TMEM9: variants seen among roughly 807,000 people sequenced by gnomAD.
TMEM9 encodes the protein transmembrane protein 9, also known as proton-transporting V-type ATPase complex assembly regulator TMEM9.
Under a neutral mutation model 22.8 loss-of-function variants are expected in TMEM9, and 13 were observed. The ratio of observed to expected loss-of-function variants is 0.57; its 90% CI spans 0.37 to 0.91. The LOEUF is 0.91. Among genes scored for constraint, TMEM9 ranks in the 40% least tolerant of loss-of-function variants. The probability of loss-of-function intolerance (pLI) is 0.01; values close to 1 mark genes in which losing one functional copy is unlikely to be tolerated. For synonymous variants in TMEM9, 88 were observed against 93.0 expected, an observed-to-expected ratio of 0.95 and a Z score of 0.31; for missense variants, 182 against 238.1, an observed-to-expected ratio of 0.76 and a Z score of 1.55.
At chr1:201,148,383 C>T (rs1231845075) in intron 2 of TMEM9, among the ~76,000 whole-genome samples, 1 of 152,148 alleles carries the variant, frequency 6.6e-6, no homozygotes, top group African/African-American at 2.4e-5. Context: ...AGGGACCACA[C>T]TGACAAAGCA....
intron 1 of TMEM9, 38 bp downstream of exon 1, chr1:201,153,820 G>A: frequency 6.2e-7 from 1 of 1,612,980 alleles, no homozygotes; most frequent in Non-Finnish European, 8.5e-7. Context: ...GCCGTGCACT[G>A]TGGTCGTGAC....
rs536452186 is a variant in TMEM9 at position 201,154,367 on chromosome 1, C to A, written c.-444G>T. On this transcript the variant is annotated 5_prime_UTR_variant, in exon 1 of 5. Coordinates refer to ENST00000367330, the MANE Select transcript of TMEM9 (RefSeq NM_001288565.2). ...CGGCGAAGGCCGGTGCCCACCACGC[C>A]CAGAGGTCTTAAGCCGGACTGGGAC... is the stretch of plus-strand genomic sequence containing the variant. 1.2e-5 allele frequency: 2 copies of A among 170,590 alleles called. No homozygotes were observed. Among genetic ancestry groups the A allele is most frequent in the African/African-American group, 2.4e-5 (1 of 41,730 alleles). The allele number at this position is 170,590 out of a possible 1,614,324, so 10.6% of individuals were successfully genotyped here.
intron 1 of TMEM9, among the ~76,000 whole-genome samples, chr1:201,170,376 A>G (rs1280544889): frequency 2.0e-5 from 3 of 152,206 alleles, no homozygotes; most frequent in Non-Finnish European, 1.5e-5. Context: ...TTTCTCTTCC[A>G]TTTATGACAG....
intron 2 of TMEM9, among the ~76,000 whole-genome samples, chr1:201,147,152 T>C (rs1004220938): frequency 6.6e-6 from 1 of 152,174 alleles, no homozygotes; most frequent in Non-Finnish European, 1.5e-5. Flanking sequence ...TCATGCTATG[T>C]TCTCCCGGCA....
intron 4 of TMEM9, 33 bp downstream of exon 4, chr1:201,143,787 G>T (rs1350306053): frequency 1.9e-6 from 3 of 1,610,754 alleles, no homozygotes; most frequent in Non-Finnish European, 2.5e-6. Context: ...CACATGCAGG[G>T]ACCCAGGGCC....
chr1:201,160,167 C>T (rs932776613), intron 1 of TMEM9, among the ~76,000 whole-genome samples: 13 of 152,240 alleles, frequency 8.5e-5, no homozygotes, highest in Admixed American at 5.9e-4. Context: ...TCATAAGTTC[C>T]GGCTTCTAGT....
At chr1:201,147,079 TA>T in intron 2 of TMEM9, among the ~76,000 whole-genome samples, 1 of 152,236 alleles carries the variant, frequency 6.6e-6, no homozygotes, top group East Asian at 1.9e-4. Context: ...CCAAACTGCC[TA>T]CAGGGCTGGC....
intron 3 of TMEM9, among the ~76,000 whole-genome samples, chr1:201,146,027 C>T (rs570244827): frequency 7.2e-5 from 11 of 152,296 alleles, no homozygotes; most frequent in South Asian, 2.1e-4. Flanking sequence ...AGGTGCCTGG[C>T]CCAGGATTGT....
upstream of TMEM9, among the ~76,000 whole-genome samples, chr1:201,156,746 A>G: frequency 6.6e-6 from 1 of 152,232 alleles, no homozygotes; most frequent in Non-Finnish European, 1.5e-5. Context: ...GAGCCATGCC[A>G]GTGAAGTGAG....
chr1:201,161,468 A>G (rs181425707), intron 1 of TMEM9, among the ~76,000 whole-genome samples: 67 of 152,316 alleles, frequency 4.4e-4, no homozygotes, highest in Non-Finnish European at 6.8e-4. Context: ...CTATGGTAGC[A>G]TTTTTCAAAA....
chr1:201,137,074 T>C (rs995766699), intron 4 of TMEM9, among the ~76,000 whole-genome samples: 4 of 152,230 alleles, frequency 2.6e-5, no homozygotes, highest in African/African-American at 9.6e-5. Flanking sequence ...TAAGCTGCGT[T>C]AGAGATGGAC....
At chr1:201,141,848 T>C (rs1303610626) in intron 4 of TMEM9, among the ~76,000 whole-genome samples, 1 of 152,018 alleles carries the variant, frequency 6.6e-6, no homozygotes, top group African/African-American at 2.4e-5. Context: ...CAAGCTGCTC[T>C]CCCCAAGCTG....
Position 201,135,587 on chromosome 1 carries a change from A to G in TMEM9, c.*76T>C. Reference sequence around the variant, plus strand: ...AAGACTGGAACCGAGGGAAGGGAGAAGTAGCCCCCTGCTTTGTCCAGCCTG... The same window carrying G: ...AAGACTGGAACCGAGGGAAGGGAGAGGTAGCCCCCTGCTTTGTCCAGCCTG... On this transcript the variant is annotated 3_prime_UTR_variant, in exon 5 of 5. Coordinates refer to ENST00000367330, the MANE Select transcript of TMEM9 (RefSeq NM_001288565.2). The G allele has an allele frequency of 7.1e-7, 1 of 1,401,742 alleles. No individual in the cohort carries two copies. The allele number at this position is 1,401,742 out of a possible 1,614,324, so 86.8% of individuals were successfully genotyped here.
At chr1:201,152,458 T>C (rs900615825) in intron 1 of TMEM9, among the ~76,000 whole-genome samples, 5 of 152,194 alleles carry the variant, frequency 3.3e-5, no homozygotes, top group Admixed American at 3.3e-4. Context: ...CTCTCAGCCT[T>C]AACCTTACTT....
At chr1:201,138,300 C>A (rs1344684564) in intron 4 of TMEM9, among the ~76,000 whole-genome samples, 1 of 152,194 alleles carries the variant, frequency 6.6e-6, no homozygotes, top group Non-Finnish European at 1.5e-5. Context: ...ATTTGTTTTC[C>A]CTTCATGTAA....
chr1:201,144,075 C>T (rs1010576179), intron 3 of TMEM9, 124 bp from the exon 4 acceptor site: 1 of 1,073,692 alleles, frequency 9.3e-7, no homozygotes, highest in Non-Finnish European at 1.4e-6. Flanking sequence ...TAAGAAAGGA[C>T]TTGGAGGCAA....
At position 201,143,924 on chromosome 1, in the gene TMEM9, C is replaced by T; in HGVS notation, c.295G>A (p.Val99Met). 1 of 1,614,156 alleles carries T rather than the reference C, an allele frequency of 6.2e-7. No homozygotes were observed. The highest frequency in any genetic ancestry group is 8.5e-7 in the Non-Finnish European group (1 of 1,180,016). Residue 99 changes from valine (V) to methionine (M), a missense_variant, in exon 4 of 5, where the codon GTG becomes ATG. Val to Met is a conservative substitution (Grantham distance 21). Transcript: ENST00000367330. ...GCCATGTAGAGCAACAGGGCACCCA[C>T]CACGGACAGGTAGATGACAATGATG... ...KVIIVIYLSV[V>M]GALLLYMAFL...
upstream of TMEM9, among the ~76,000 whole-genome samples, chr1:201,158,134 G>A (rs1572137036): frequency 6.6e-6 from 1 of 152,166 alleles, no homozygotes; most frequent in Admixed American, 6.5e-5. Flanking sequence ...TGCAGGCAGG[G>A]GGCCACCAGG....
chr1:201,165,804 T>C (rs921643156), intron 1 of TMEM9, among the ~76,000 whole-genome samples: 1 of 152,160 alleles, frequency 6.6e-6, no homozygotes, highest in Admixed American at 6.5e-5. Flanking sequence ...GAGGCCTTGA[T>C]TGTAAGCAAT....
Sources: allele counts gnomAD v4.1 joint callset (sites outside exome capture counted in the v4.1 genomes callset), GRCh38; gene constraint gnomAD v4.1.1; transcripts MANE v1.5; gene names NCBI Gene and HGNC (gene_info 2026-07-23, HGNC 2026-07-21).